Variants in GEMIN2 observed in about 807,000 individuals in gnomAD.
GEMIN2 encodes the protein gem-associated protein 2.
Under a neutral mutation model 45.8 loss-of-function variants are expected in GEMIN2, and 37 were observed. The observed-to-expected ratio is 0.81, with a 90% confidence interval of 0.62 to 1.06. The LOEUF is 1.06. Among genes scored for constraint, GEMIN2 ranks in the 50% least tolerant of loss-of-function variants. The pLI is 0.00. For synonymous variants in GEMIN2, 101 were observed against 111.5 expected (o/e 0.91, Z 0.60); for missense variants, 335 against 321.8 (o/e 1.04, Z -0.31).
chr14:39,134,859 G>A (rs868365442), intron 9 of GEMIN2, among the ~76,000 whole-genome samples: 30 of 152,304 alleles, frequency 2.0e-4, no homozygotes, highest in African/African-American at 7.0e-4. Context: ...CAAAAATTAA[G>A]CTAATACCTA....
intron 2 of GEMIN2, among the ~76,000 whole-genome samples, chr14:39,115,879 G>T (rs187588893): frequency 9.1e-4 from 138 of 152,258 alleles, no homozygotes; most frequent in African/African-American, 3.1e-3. Flanking sequence ...AGACAAAAAA[G>T]GTTCCTACCC....
chr14:39,122,424 T>TG lies in GEMIN2; in HGVS notation c.373-6_373-5insG. The TG allele has an allele frequency of 1.4e-6, 2 of 1,443,666 alleles. No individual in the cohort carries two copies. The highest frequency in any genetic ancestry group is 1.9e-6 in the Non-Finnish European group (2 of 1,039,126). The allele number at this position is 1,443,666 out of a possible 1,614,324, so 89.4% of individuals were successfully genotyped here. A position where few individuals can be genotyped will look rare whatever the true frequency, so the allele number is the denominator to read the frequency against. On this transcript the variant is annotated splice_polypyrimidine_tract_variant and splice_region_variant and intron_variant, in intron 4 of 9. Coordinates refer to ENST00000308317, the MANE Select transcript of GEMIN2 (RefSeq NM_003616.3). Reference sequence around the variant, plus strand: ...GAATAAATCAGTTTTTTTTTTTTTCTTTTAGCCAAAATCTGAAGATGAAGA... The same window carrying TG: ...GAATAAATCAGTTTTTTTTTTTTTCTGTTTAGCCAAAATCTGAAGATGAAGA...
rs1594517310 is a variant in GEMIN2, at chr14:39,128,289, A to T, written c.541A>T (p.Thr181Ser). Reference protein sequence around the residue: ...IVSRMNQATVTSVLEYLSNWF... With the variant: ...IVSRMNQATVSSVLEYLSNWF... ...CTCTTTTTTTTTTTAGGCAACAGTAACTAGTGTCTTGGAATATCTGAGTAA... is the reference window on the plus strand; with the variant it reads ...CTCTTTTTTTTTTTAGGCAACAGTATCTAGTGTCTTGGAATATCTGAGTAA... The change falls in exon 7 of 10, where the codon ACT becomes TCT. Residue 181 changes from threonine to serine, a missense_variant. Coordinates refer to ENST00000308317, the MANE Select transcript of GEMIN2 (RefSeq NM_003616.3). 1 of 1,553,390 alleles carries T rather than the reference A, an allele frequency of 6.4e-7. No individual in the cohort carries two copies. Among genetic ancestry groups the T allele is most frequent in the East Asian group, 2.2e-5 (1 of 44,456 alleles).
intron 7 of GEMIN2, among the ~76,000 whole-genome samples, chr14:39,128,744 C>T (rs1476902997): frequency 6.6e-6 from 1 of 151,948 alleles, no homozygotes; most frequent in South Asian, 2.1e-4. Context: ...CCAAATGATC[C>T]TGCCTCCTCA....
At chr14:39,114,496 CGGGTGGGCT>C (rs1257152676) in intron 1 of GEMIN2, 21 bp downstream of exon 1, 2 of 1,596,308 alleles carry the variant, frequency 1.3e-6, no homozygotes, top group African/African-American at 2.7e-5. Context: ...CGGCCCTGGG[CGGGTGGGCT>C]GGTCTTCTGC....
intron 4 of GEMIN2, among the ~76,000 whole-genome samples, chr14:39,121,617 G>GCCTGTT (rs1362477842): frequency 6.6e-6 from 1 of 152,212 alleles, no homozygotes; most frequent in Admixed American, 6.5e-5. Context: ...TGCCATAACA[G>GCCTGTT]ACTAGGTGGA....
chr14:39,129,868 C>A (rs1200971277), intron 7 of GEMIN2, among the ~76,000 whole-genome samples: 2 of 147,428 alleles, frequency 1.4e-5, no homozygotes, highest in African/African-American at 5.0e-5. Flanking sequence ...GAAAAAAAGT[C>A]AATGAAAGAG....
chr14:39,124,304 A>G (rs1157563593), intron 5 of GEMIN2, among the ~76,000 whole-genome samples: 2 of 152,194 alleles, frequency 1.3e-5, no homozygotes, highest in Non-Finnish European at 2.9e-5. Flanking sequence ...ATTCTTGAAA[A>G]TATTAGCTTT....
intron 4 of GEMIN2, among the ~76,000 whole-genome samples, chr14:39,120,090 T>C (rs2052556764): frequency 6.6e-6 from 1 of 152,222 alleles, no homozygotes; most frequent in South Asian, 2.1e-4. Context: ...AGTAACATTA[T>C]GACTTGATAA....
intron 7 of GEMIN2, among the ~76,000 whole-genome samples, chr14:39,129,930 G>GTTT: frequency 8.9e-6 from 1 of 111,732 alleles, no homozygotes; most frequent in Non-Finnish European, 1.8e-5. Flanking sequence ...TTGCAGACAA[G>GTTT]TTTGTTTTTT....
intron 6 of GEMIN2, among the ~76,000 whole-genome samples, chr14:39,125,708 T>G (rs535803389): frequency 1.3e-5 from 2 of 152,154 alleles, no homozygotes; most frequent in South Asian, 2.1e-4. Context: ...TAGTTCTAGA[T>G]GTCCTATACA....
chr14:39,129,946 T>TTG lies in GEMIN2; in HGVS notation c.600+1599_600+1600insGT, dbSNP rs1457349875. ...TGCAGACAAGTTTGTTTTTTTTTTT[T>TTG]TTTTTTTTTTTTGAGATGGAGTCTC... On this transcript the variant is annotated intron_variant, in intron 7 of 9. Coordinates refer to ENST00000308317, the MANE Select transcript of GEMIN2 (RefSeq NM_003616.3). Among the ~76,000 whole-genome samples, 9 of 135,666 alleles carry TTG rather than the reference T, an allele frequency of 6.6e-5. No homozygotes were observed. The East Asian group carries it at 1.9e-3, about 28-fold the overall frequency. The allele number at this position is 135,666 out of a possible 152,430, so 89.0% of individuals were successfully genotyped here.
chr14:39,114,979 A>G (rs376999323), intron 2 of GEMIN2, 66 bp downstream of exon 2: 1 of 786,932 alleles, frequency 1.3e-6, no homozygotes, highest in Non-Finnish European at 2.3e-6. Flanking sequence ...CGCTCTTCCT[A>G]TAGTATCTGA....
rs2052785196 is a variant in GEMIN2, at chr14:39,136,619, G to A, written c.*140G>A. The A allele has an allele frequency of 3.1e-6, 2 of 643,776 alleles. No individual in the cohort carries two copies. The highest frequency in any genetic ancestry group is 5.5e-6 in the Non-Finnish European group (2 of 365,332). The allele number at this position is 643,776 out of a possible 1,614,324, so 39.9% of individuals were successfully genotyped here. A position where few individuals can be genotyped will look rare whatever the true frequency, so the allele number is the denominator to read the frequency against. On this transcript the variant is annotated 3_prime_UTR_variant, in exon 10 of 10. Transcript: ENST00000308317. The stretch of plus-strand genomic sequence containing the variant: ...TTCACATCTTAACCTGTGCAATTCA[G>A]ATTGATACTCAGAATATGGGTTGAT...
chr14:39,126,665 A>G (rs1208170100), intron 6 of GEMIN2, among the ~76,000 whole-genome samples: 4 of 152,240 alleles, frequency 2.6e-5, no homozygotes, highest in African/African-American at 7.2e-5. Flanking sequence ...ATCCATCTGT[A>G]TAGTTTAAGA....
intron 2 of GEMIN2, 104 bp downstream of exon 2, chr14:39,115,017 C>A: frequency 1.5e-6 from 1 of 673,392 alleles, no homozygotes; most frequent in Non-Finnish European, 2.7e-6. Flanking sequence ...TAAGATTTGA[C>A]TACTCCGTGC....
chr14:39,114,344 G>T lies in GEMIN2; in HGVS notation c.6G>T (p.Ala2=), dbSNP rs548120115. ...AACTGGCTGGTTTGAAAACCATGGCGTGGGTACCAGCGGAGTCCGCAGTGG... is the reference window on the plus strand; with the variant it reads ...AACTGGCTGGTTTGAAAACCATGGCTTGGGTACCAGCGGAGTCCGCAGTGG... M[A]WVPAESAVEE... is the part of the protein sequence containing the mutation. Residue 2 remains alanine, a synonymous_variant, in exon 1 of 10, where the codon GCG becomes GCT. Transcript: ENST00000308317. 1 of 1,613,974 alleles carries T rather than the reference G, an allele frequency of 6.2e-7. No homozygotes were observed.
At chr14:39,132,412 T>C (rs554319115) in intron 8 of GEMIN2, among the ~76,000 whole-genome samples, 188 of 152,010 alleles carry the variant, frequency 1.2e-3, no homozygotes, top group African/African-American at 4.3e-3. Context: ...GTGCTTGTCA[T>C]CCCAGCTACT....
intron 9 of GEMIN2, 127 bp downstream of exon 9, chr14:39,133,846 T>C: frequency 3.7e-6 from 2 of 534,176 alleles, no homozygotes; most frequent in Non-Finnish European, 6.6e-6. Flanking sequence ...ATAGTTAGGG[T>C]GCAGTGGCGC....
Sources: allele counts gnomAD v4.1 joint callset (sites outside exome capture counted in the v4.1 genomes callset), GRCh38; gene constraint gnomAD v4.1.1; transcripts MANE v1.5; gene names NCBI Gene and HGNC (gene_info 2026-07-23, HGNC 2026-07-21).